MYO3B: variants seen among roughly 807,000 people sequenced by gnomAD.
The protein encoded by MYO3B is myosin-IIIb.
A neutral mutation model predicts 174.6 loss-of-function variants in MYO3B; 156 were observed. The observed-to-expected ratio is 0.89, with a 90% CI of 0.78 to 1.02. The LOEUF (loss-of-function observed/expected upper bound fraction) is 1.02, where lower values mean the gene tolerates loss of function less well. Among genes scored for constraint, MYO3B ranks in the 50% least tolerant of loss-of-function variants. MYO3B has a pLI of 0.00. For synonymous variants in MYO3B, 563 were observed against 569.1 expected (o/e 0.99, Z 0.15); for missense variants, 1,632 against 1,639.4 (o/e 1.00, Z 0.08).
intron 9 of MYO3B, among the ~76,000 whole-genome samples, chr2:170,380,779 C>A (rs1481170264): frequency 6.6e-6 from 1 of 152,052 alleles, no homozygotes; most frequent in Non-Finnish European, 1.5e-5. Context: ...TGCATTATTA[C>A]TAGTAGCAAA....
chr2:170,515,406 G>T (rs909288860), intron 29 of MYO3B, among the ~76,000 whole-genome samples: 2 of 152,160 alleles, frequency 1.3e-5, no homozygotes, highest in African/African-American at 4.8e-5. Flanking sequence ...GTCTTGGGAA[G>T]ATCTTTCTAT....
chr2:170,614,120 A>G (rs1255014962), intron 32 of MYO3B, among the ~76,000 whole-genome samples: 1 of 152,118 alleles, frequency 6.6e-6, no homozygotes, highest in Non-Finnish European at 1.5e-5. Flanking sequence ...AGGGTGTAGT[A>G]GAAGCAATGG....
intron 7 of MYO3B, among the ~76,000 whole-genome samples, chr2:170,329,255 GTGTGTATA>G (rs1204387692): frequency 1.0e-4 from 12 of 115,538 alleles, no homozygotes; most frequent in Middle Eastern, 4.6e-3. Context: ...GTGTGTGTGT[GTGTGTATA>G]TATATAAAAT....
At chr2:170,651,853 A>G (rs1559206086) in intron 33 of MYO3B, 119 bp downstream of exon 33, 1 of 676,884 alleles carries the variant, frequency 1.5e-6, no homozygotes, top group Non-Finnish European at 2.4e-6. Flanking sequence ...CTCGTCTTGA[A>G]CATGTGCTTA....
At chr2:170,365,764 G>A (rs2094193534) in intron 8 of MYO3B, among the ~76,000 whole-genome samples, 1 of 152,134 alleles carries the variant, frequency 6.6e-6, no homozygotes, top group Non-Finnish European at 1.5e-5. Context: ...AGGTTCAGTT[G>A]TGCTGATCCT....
At chr2:170,403,911 G>A (rs1179335986) in intron 19 of MYO3B, among the ~76,000 whole-genome samples, 1 of 151,938 alleles carries the variant, frequency 6.6e-6, no homozygotes, top group African/African-American at 2.4e-5. Flanking sequence ...AGAGAAGTCT[G>A]TTTTCTTGGT....
intron 32 of MYO3B, among the ~76,000 whole-genome samples, chr2:170,627,207 T>A (rs1696522882): frequency 1.3e-5 from 2 of 152,242 alleles, no homozygotes; most frequent in South Asian, 4.1e-4. Context: ...GTAGATTTGG[T>A]CTTTTCACAT....
At chr2:170,516,247 C>T (rs550870110) in intron 29 of MYO3B, among the ~76,000 whole-genome samples, 2 of 152,190 alleles carry the variant, frequency 1.3e-5, no homozygotes, top group East Asian at 3.9e-4. Flanking sequence ...TTTCTTCCTA[C>T]GTGCCCCCAA....
chr2:170,621,518 T>TTTTTG (rs1184544880), intron 32 of MYO3B, among the ~76,000 whole-genome samples: 1 of 151,560 alleles, frequency 6.6e-6, no homozygotes, highest in East Asian at 1.9e-4. Context: ...TTTTTTTGTT[T>TTTTTG]TTTTGTTTTT....
At chr2:170,491,926 T>C (rs1686509545) in intron 25 of MYO3B, among the ~76,000 whole-genome samples, 1 of 152,068 alleles carries the variant, frequency 6.6e-6, no homozygotes, top group African/African-American at 2.4e-5. Flanking sequence ...TGGTGGCGCA[T>C]GCCTGCAATC....
At chr2:170,373,679 C>A (rs1356709175) in intron 9 of MYO3B, among the ~76,000 whole-genome samples, 1 of 151,708 alleles carries the variant, frequency 6.6e-6, no homozygotes, top group Non-Finnish European at 1.5e-5. Flanking sequence ...ATGGAGGAAG[C>A]AAGAGGGAGT....
At chr2:170,445,340 AT>A (rs113323701) in intron 23 of MYO3B, among the ~76,000 whole-genome samples, 1,600 of 146,438 alleles carry the variant, frequency 0.011, 29 homozygotes, top group African/African-American at 0.035. Flanking sequence ...GCGGGGATAC[AT>A]TTTTTTTTTT....
chr2:170,564,141 G>A (rs1691914939), intron 32 of MYO3B, among the ~76,000 whole-genome samples: 1 of 152,188 alleles, frequency 6.6e-6, no homozygotes, highest in African/African-American at 2.4e-5. Context: ...ATCAAGACCT[G>A]CAGGCAAGAG....
intron 32 of MYO3B, among the ~76,000 whole-genome samples, chr2:170,562,374 G>A (rs1185009904): frequency 1.3e-5 from 2 of 152,046 alleles, no homozygotes; most frequent in East Asian, 3.8e-4. Context: ...CAGATATTTT[G>A]TTTTGGAGTT....
At chr2:170,311,231 C>T (rs2093737183) in intron 7 of MYO3B, among the ~76,000 whole-genome samples, 1 of 152,262 alleles carries the variant, frequency 6.6e-6, no homozygotes, top group South Asian at 2.1e-4. Context: ...TTTTACATCC[C>T]TACCAGCAAT....
intron 30 of MYO3B, among the ~76,000 whole-genome samples, chr2:170,526,106 TGA>T (rs1205942104): frequency 1.3e-5 from 2 of 152,182 alleles, no homozygotes; most frequent in African/African-American, 4.8e-5. Context: ...AGAAAAATGA[TGA>T]GCTTTGGTGA....
intron 32 of MYO3B, among the ~76,000 whole-genome samples, chr2:170,635,404 T>C (rs6753036): frequency 0.013 from 2,012 of 152,212 alleles, 52 homozygotes; most frequent in African/African-American, 0.047. Flanking sequence ...TAGGTGGGAA[T>C]TGAACAGTGA....
chr2:170,425,128 A>G (rs1167075860), intron 22 of MYO3B, among the ~76,000 whole-genome samples: 2 of 152,212 alleles, frequency 1.3e-5, no homozygotes, highest in African/African-American at 4.8e-5. Context: ...CTTTAAATGA[A>G]ATACATTAGA....
chr2:170,455,322 A>G (rs1244101187), intron 23 of MYO3B, among the ~76,000 whole-genome samples: 1 of 152,228 alleles, frequency 6.6e-6, no homozygotes, highest in Non-Finnish European at 1.5e-5. Flanking sequence ...GCTGGAGGTT[A>G]GAAGCAAGAT....
Sources: allele counts gnomAD v4.1 joint callset (sites outside exome capture counted in the v4.1 genomes callset), GRCh38; gene constraint gnomAD v4.1.1; transcripts MANE v1.5; gene names NCBI Gene and HGNC (gene_info 2026-07-23, HGNC 2026-07-21).